GRXCR2: variants seen among roughly 807,000 people sequenced by gnomAD.
GRXCR2 encodes the protein glutaredoxin domain-containing cysteine-rich protein 2.
Under a neutral mutation model 24.8 loss-of-function variants are expected in GRXCR2, and 23 were observed. The ratio of observed to expected loss-of-function variants is 0.93; its 90% CI spans 0.67 to 1.32. The LOEUF (loss-of-function observed/expected upper bound fraction) is 1.32, where lower values mean the gene tolerates loss of function less well. Among genes scored for constraint, GRXCR2 ranks in the 40% most tolerant of loss-of-function variants. The probability of loss-of-function intolerance (pLI) is 0.00; values close to 1 mark genes in which losing one functional copy is unlikely to be tolerated. For synonymous variants in GRXCR2, 130 were observed against 116.1 expected (o/e 1.12, Z -0.77); for missense variants, 315 against 303.4 (o/e 1.04, Z -0.28).
chr5:145,929,071 T>C (rs1164735789), intron 2 of GRXCR2, among the ~76,000 whole-genome samples: 3 of 151,406 alleles, frequency 2.0e-5, no homozygotes, highest in African/African-American at 7.3e-5. Context: ...TATATATGTA[T>C]ATGTGTGTAT....
intron 2 of GRXCR2, among the ~76,000 whole-genome samples, chr5:145,892,189 A>C (rs1756876236): frequency 6.6e-6 from 1 of 152,248 alleles, no homozygotes; most frequent in African/African-American, 2.4e-5. Flanking sequence ...GGGAAAAAAC[A>C]GAGCAGAAAA....
intron 1 of GRXCR2, among the ~76,000 whole-genome samples, chr5:145,870,455 C>T (rs180948926): frequency 6.6e-6 from 1 of 152,258 alleles, no homozygotes; most frequent in East Asian, 1.9e-4. Context: ...TATGTACATA[C>T]CGCATCTTGT....
intron 2 of GRXCR2, among the ~76,000 whole-genome samples, chr5:145,921,034 C>G (rs1355737362): frequency 6.6e-6 from 1 of 152,188 alleles, no homozygotes; most frequent in Admixed American, 6.5e-5. Context: ...GTTTATAAGC[C>G]ACCCAGTGTT....
At chr5:145,890,982 T>C (rs1017674435) in intron 2 of GRXCR2, among the ~76,000 whole-genome samples, 5 of 152,062 alleles carry the variant, frequency 3.3e-5, no homozygotes, top group African/African-American at 9.7e-5. Context: ...TATTCTTATA[T>C]CAGATAAAAG....
At chr5:145,907,065 C>G (rs1009319970) in intron 2 of GRXCR2, among the ~76,000 whole-genome samples, 1 of 151,766 alleles carries the variant, frequency 6.6e-6, no homozygotes, top group Non-Finnish European at 1.5e-5. Context: ...GCAAGGAGGC[C>G]GGGGTGGCTA....
At chr5:145,895,615 C>A (rs1756937721) in intron 2 of GRXCR2, among the ~76,000 whole-genome samples, 1 of 152,146 alleles carries the variant, frequency 6.6e-6, no homozygotes, top group Non-Finnish European at 1.5e-5. Context: ...CAAACCACTG[C>A]TCAATGAAAT....
chr5:145,897,038 A>G (rs1269625959), intron 2 of GRXCR2, among the ~76,000 whole-genome samples: 3 of 150,714 alleles, frequency 2.0e-5, no homozygotes, highest in Non-Finnish European at 3.0e-5. Flanking sequence ...GCAAGGACAA[A>G]AAACCAAACA....
At chr5:145,930,286 C>T (rs547261530) in intron 2 of GRXCR2, among the ~76,000 whole-genome samples, 2 of 151,964 alleles carry the variant, frequency 1.3e-5, no homozygotes, top group Non-Finnish European at 2.9e-5. Flanking sequence ...GGTTTTGCCA[C>T]GTTGCCCAGG....
chr5:145,865,365 C>T (rs1465505392), intron 2 of GRXCR2, among the ~76,000 whole-genome samples: 1 of 152,206 alleles, frequency 6.6e-6, no homozygotes, highest in Non-Finnish European at 1.5e-5. Flanking sequence ...ATCAGCCCTC[C>T]TCCCCCTGGT....
chr5:145,896,663 G>T (rs1756954677), intron 2 of GRXCR2, among the ~76,000 whole-genome samples: 1 of 152,140 alleles, frequency 6.6e-6, no homozygotes, highest in South Asian at 2.1e-4. Context: ...TGGAGAAATA[G>T]GAACACTTTT....
chr5:145,917,101 G>T (rs1757251852), intron 2 of GRXCR2, among the ~76,000 whole-genome samples: 1 of 147,728 alleles, frequency 6.8e-6, no homozygotes, highest in South Asian at 2.1e-4. Context: ...TTCCAGGGTG[G>T]GAAACCTCCA....
chr5:145,931,500 G>A (rs1009882264), intron 2 of GRXCR2, among the ~76,000 whole-genome samples: 2 of 152,252 alleles, frequency 1.3e-5, no homozygotes, highest in East Asian at 1.9e-4. Context: ...CTCCTCACCT[G>A]CAAACATACC....
At chr5:145,863,449 T>G (rs1233682146) in intron 2 of GRXCR2, among the ~76,000 whole-genome samples, 7 of 152,232 alleles carry the variant, frequency 4.6e-5, no homozygotes, top group Admixed American at 4.6e-4. Flanking sequence ...AAATTGAACT[T>G]AAAAGTAATT....
intron 2 of GRXCR2, among the ~76,000 whole-genome samples, chr5:145,917,084 C>T (rs1328893589): frequency 1.5e-4 from 20 of 131,918 alleles, no homozygotes; most frequent in Non-Finnish European, 2.2e-4. Flanking sequence ...TTTTGAAAAG[C>T]AGTTATTTCC....
intron 2 of GRXCR2, among the ~76,000 whole-genome samples, chr5:145,893,645 G>C: frequency 6.6e-6 from 1 of 152,094 alleles, no homozygotes; most frequent in Non-Finnish European, 1.5e-5. Context: ...AGTCCTGAGT[G>C]ACCTACAAAG....
intron 2 of GRXCR2, among the ~76,000 whole-genome samples, chr5:145,897,837 T>G (rs1756971429): frequency 6.6e-6 from 1 of 152,050 alleles, no homozygotes; most frequent in Non-Finnish European, 1.5e-5. Flanking sequence ...GAAGAAAGTT[T>G]ATAGCACTAA....
chr5:145,908,277 G>C (rs1757117716), intron 2 of GRXCR2, among the ~76,000 whole-genome samples: 2 of 152,118 alleles, frequency 1.3e-5, no homozygotes, highest in South Asian at 4.1e-4. Context: ...AAGAGAACAG[G>C]AATGACCATG....
At chr5:145,899,074 A>C (rs1756990627) in intron 2 of GRXCR2, among the ~76,000 whole-genome samples, 1 of 152,268 alleles carries the variant, frequency 6.6e-6, no homozygotes, top group African/African-American at 2.4e-5. Flanking sequence ...TACAAAATCA[A>C]TGTACAAAAG....
chr5:145,882,940 T>C (rs1477000532), intron 2 of GRXCR2, among the ~76,000 whole-genome samples: 1 of 148,646 alleles, frequency 6.7e-6, no homozygotes, highest in Non-Finnish European at 1.5e-5. Flanking sequence ...CCAAACACCA[T>C]ATGTTCTCAC....
Sources: allele counts gnomAD v4.1 joint callset (sites outside exome capture counted in the v4.1 genomes callset), GRCh38; gene constraint gnomAD v4.1.1; transcripts MANE v1.5; gene names NCBI Gene and HGNC (gene_info 2026-07-23, HGNC 2026-07-21).